The following RUNX1T1 variants were observed in gnomAD, a reference collection of about 807,000 sequenced individuals.
RUNX1T1 encodes RUNX1 partner transcriptional co-repressor 1.
RUNX1T1 carries 4 observed loss-of-function variants against 62.8 expected under a neutral mutation model. The observed-to-expected ratio is 0.06, with a 90% CI of 0.03 to 0.15. The LOEUF is 0.15. Ranked by LOEUF, RUNX1T1 falls within the 10% of genes least tolerant of loss-of-function variation. RUNX1T1 has a pLI of 1.00. For synonymous variants in RUNX1T1, 291 were observed against 286.0 expected (o/e 1.02, Z -0.18); for missense variants, 508 against 754.3 (o/e 0.67, Z 3.82).
At position 92,017,781 on chromosome 8, in the gene RUNX1T1, T is replaced by G. The variant is rs1823303908; in HGVS notation, c.8-418A>C. ...GTCTGTTATGCAGGTGAGATACTGG[T>G]AGGAGCCAGCTCTTTGTAATGATTT... On this transcript the variant is annotated intron_variant, in intron 1 of 10. Coordinates refer to ENST00000396218, the Ensembl canonical transcript of RUNX1T1. 3 of 301,880 alleles carry G rather than the reference T, an allele frequency of 9.9e-6. No individual in the cohort carries two copies. The Admixed American group carries it at 1.7e-4, about 17-fold the overall frequency. 18.7% of individuals were successfully genotyped at this position (301,880 alleles called of 1,614,324 possible). A position where few individuals can be genotyped will look rare whatever the true frequency, so the allele number is the denominator to read the frequency against.
chr8:91,986,771 G>T, intron 7 of RUNX1T1, 116 bp downstream of exon 8: 2 of 706,968 alleles, frequency 2.8e-6, no homozygotes. Flanking sequence ...TTTTTTTCAA[G>T]GATAGCAGGA....
At chr8:92,087,817 A>C (rs569737543) in intron 1 of RUNX1T1, among the ~76,000 whole-genome samples, 1 of 152,348 alleles carries the variant, frequency 6.6e-6, no homozygotes, top group South Asian at 2.1e-4. Context: ...ATAAGTAGTC[A>C]AATCAGGTTT....
intron 4 of RUNX1T1, among the ~76,000 whole-genome samples, chr8:92,007,997 A>G (rs983433049): frequency 1.3e-5 from 2 of 151,704 alleles, no homozygotes; most frequent in Non-Finnish European, 2.9e-5. Flanking sequence ...AGAAAGAAAG[A>G]AAAAGAAAAG....
At chr8:92,065,576 T>C (rs1348718509), upstream of RUNX1T1, among the ~76,000 whole-genome samples, 1 of 152,228 alleles carries the variant, frequency 6.6e-6, no homozygotes, top group East Asian at 1.9e-4. Flanking sequence ...ATACATAAGT[T>C]GTTTTCTGAC....
chr8:92,043,584 T>A (rs1196063094), intron 1 of RUNX1T1, among the ~76,000 whole-genome samples: 1 of 151,802 alleles, frequency 6.6e-6, no homozygotes, highest in African/African-American at 2.4e-5. Flanking sequence ...ACATACAGAG[T>A]GTTACACTAA....
chr8:91,970,043 T>TTGTGTGTG (rs1554595113), intron 10 of RUNX1T1, among the ~76,000 whole-genome samples: 201 of 142,800 alleles, frequency 1.4e-3, no homozygotes, highest in Middle Eastern at 3.6e-3. Flanking sequence ...TGTGTGTGTG[T>TTGTGTGTG]TGTGTGTGTG....
chr8:92,096,576 G>A (rs113432665), intron 1 of RUNX1T1, among the ~76,000 whole-genome samples: 6 of 152,262 alleles, frequency 3.9e-5, no homozygotes, highest in African/African-American at 1.4e-4. Flanking sequence ...TTATTTTATT[G>A]GGGGAGGGGA....
At chr8:92,076,625 C>T (rs1306806493) in intron 1 of RUNX1T1, among the ~76,000 whole-genome samples, 2 of 151,924 alleles carry the variant, frequency 1.3e-5, no homozygotes, top group East Asian at 3.9e-4. Context: ...TTCAGTATTG[C>T]CATTATTAGC....
At chr8:92,081,328 A>C (rs1443332962) in intron 1 of RUNX1T1, 1 of 690,266 alleles carries the variant, frequency 1.4e-6, no homozygotes. Context: ...TAATATAATT[A>C]AATATGAAAT....
chr8:92,017,398 C>A (rs745751084), intron 1 of RUNX1T1, 35 bp from the exon 3 acceptor site: 1 of 1,613,790 alleles, frequency 6.2e-7, no homozygotes, highest in African/African-American at 1.3e-5. Flanking sequence ...TTATTTTACT[C>A]CTTAAGCACC....
chr8:92,028,124 G>A (rs1441862587), intron 1 of RUNX1T1, among the ~76,000 whole-genome samples: 2 of 107,758 alleles, frequency 1.9e-5, no homozygotes, highest in Non-Finnish European at 3.8e-5. Context: ...GGGAGGAGGG[G>A]AGGGAGGGAT....
chr8:91,988,675 A>C (rs1817050996), intron 6 of RUNX1T1, among the ~76,000 whole-genome samples: 3 of 152,078 alleles, frequency 2.0e-5, no homozygotes, highest in Admixed American at 2.0e-4. Context: ...CAGCAGAAGA[A>C]ATCAATAATG....
intron 1 of RUNX1T1, among the ~76,000 whole-genome samples, chr8:92,049,374 C>T (rs1829896759): frequency 6.6e-6 from 1 of 152,140 alleles, no homozygotes; most frequent in African/African-American, 2.4e-5. Context: ...TGCCCACCTC[C>T]CAATCTTCTG....
chr8:92,040,782 A>G (rs537553611), intron 1 of RUNX1T1, among the ~76,000 whole-genome samples: 5 of 152,324 alleles, frequency 3.3e-5, no homozygotes, highest in African/African-American at 1.2e-4. Flanking sequence ...GCATGTGCCT[A>G]CAGTCACAGC....
intron 2 of RUNX1T1, among the ~76,000 whole-genome samples, chr8:92,015,833 T>C (rs146653424): frequency 3.9e-5 from 6 of 152,326 alleles, no homozygotes; most frequent in African/African-American, 1.4e-4. Flanking sequence ...CAACTGAGTA[T>C]CATAATAACC....
chr8:92,066,943 C>T (rs139035453), upstream of RUNX1T1, among the ~76,000 whole-genome samples: 32 of 152,294 alleles, frequency 2.1e-4, no homozygotes, highest in African/African-American at 7.2e-4. Flanking sequence ...AACACATTTA[C>T]GCTATTCCCT....
At chr8:92,092,849 ATTT>A (rs570994032) in intron 1 of RUNX1T1, among the ~76,000 whole-genome samples, 17 of 151,228 alleles carry the variant, frequency 1.1e-4, no homozygotes, top group Middle Eastern at 3.4e-3. Context: ...AGAATAGAAA[ATTT>A]TTTTTTTATT....
At chr8:92,077,871 T>G (rs1243536053) in intron 1 of RUNX1T1, among the ~76,000 whole-genome samples, 1 of 152,104 alleles carries the variant, frequency 6.6e-6, no homozygotes, top group Admixed American at 6.6e-5. Flanking sequence ...TTAATCTTGG[T>G]TTTGAGGCAC....
chr8:91,982,833 T>C (rs540891876), intron 8 of RUNX1T1, among the ~76,000 whole-genome samples: 1 of 152,024 alleles, frequency 6.6e-6, no homozygotes, highest in Non-Finnish European at 1.5e-5. Context: ...AGAAATACCA[T>C]TATGAATTCA....
Sources: gnomAD v4.1 joint callset for allele counts (sites outside exome capture counted in the v4.1 genomes callset) on GRCh38, gnomAD v4.1.1 for gene constraint, MANE v1.5 for transcripts, NCBI Gene and HGNC (gene_info 2026-07-23, HGNC 2026-07-21) for gene names.